Variants in FIP1L1 observed in about 807,000 individuals in gnomAD.
FIP1L1 encodes pre-mRNA 3'-end-processing factor FIP1.
FIP1L1 carries 21 observed loss-of-function variants against 84.6 expected under a neutral mutation model. That is an observed-to-expected ratio of 0.25 (90% confidence interval 0.18 to 0.36). The LOEUF (loss-of-function observed/expected upper bound fraction) is 0.36. Ranked by LOEUF, FIP1L1 falls within the 10% of genes least tolerant of loss-of-function variation. The pLI is 1.00. For missense variants in FIP1L1, 526 were observed against 751.1 expected, an observed-to-expected ratio of 0.70 and a Z score of 3.50; for synonymous variants, 263 against 242.3, an observed-to-expected ratio of 1.09 and a Z score of -0.80.
intron 12 of FIP1L1, among the ~76,000 whole-genome samples, chr4:53,426,548 C>T (rs527739021): frequency 1.3e-5 from 2 of 152,114 alleles, no homozygotes; most frequent in South Asian, 2.1e-4. Flanking sequence ...ATTAGGAATA[C>T]TCAACTTGTA....
At chr4:53,414,758 G>T in intron 11 of FIP1L1, 36 bp downstream of exon 11, 1 of 1,346,326 alleles carries the variant, frequency 7.4e-7, no homozygotes, top group African/African-American at 1.4e-5. Context: ...ACTCCCTGAT[G>T]TTTAGATCAT....
chr4:53,421,249 T>C (rs1762286981), intron 11 of FIP1L1, among the ~76,000 whole-genome samples: 1 of 152,256 alleles, frequency 6.6e-6, no homozygotes, highest in Non-Finnish European at 1.5e-5. Flanking sequence ...TCTTTTTCTT[T>C]ATGTGCTTCT....
chr4:53,381,400 G>T (rs1240552545), intron 3 of FIP1L1, among the ~76,000 whole-genome samples: 2 of 152,054 alleles, frequency 1.3e-5, no homozygotes, highest in African/African-American at 4.8e-5. Context: ...TCCAAGTTTT[G>T]ACTAAAGAAG....
chr4:53,408,526 A>G (rs370948739), intron 10 of FIP1L1, among the ~76,000 whole-genome samples: 5 of 152,138 alleles, frequency 3.3e-5, no homozygotes, highest in South Asian at 2.1e-4. Context: ...TATTTCCTCA[A>G]TTTGAATGTT....
intron 15 of FIP1L1, among the ~76,000 whole-genome samples, 174 bp from the exon 16 acceptor site, chr4:53,452,743 GTTT>G (rs1716849682): frequency 6.6e-6 from 1 of 152,186 alleles, no homozygotes; most frequent in Non-Finnish European, 1.5e-5. Flanking sequence ...TATATGTTAG[GTTT>G]TTAAGATTTG....
intron 11 of FIP1L1, among the ~76,000 whole-genome samples, chr4:53,418,637 A>G (rs1416536112): frequency 6.6e-6 from 1 of 152,076 alleles, no homozygotes; most frequent in Non-Finnish European, 1.5e-5. Flanking sequence ...TTTTGTTTCC[A>G]TTTTATGTTA....
chr4:53,460,717 CTA>C lies in FIP1L1; in HGVS notation c.*1269_*1270del. 1.9e-6 allele frequency: 1 copy of C among 537,900 alleles called. No homozygotes were observed. The highest frequency in any genetic ancestry group is 3.2e-6 in the Non-Finnish European group (1 of 315,328). The allele number at this position is 537,900 out of a possible 1,614,324, so 33.3% of individuals were successfully genotyped here. A position where few individuals can be genotyped will look rare whatever the true frequency, so the allele number is the denominator to read the frequency against. On this transcript the variant is annotated 3_prime_UTR_variant, in exon 18 of 18. Transcript: ENST00000337488. Reference sequence around the variant, plus strand: ...AGAAATCCTCCACACTGAAAAAAAACTAGTAGTTTTAATTTTTTTGGAATCAT... The same window carrying C: ...AGAAATCCTCCACACTGAAAAAAAACGTAGTTTTAATTTTTTTGGAATCAT...
chr4:53,408,418 GC>G (rs1480825154), intron 10 of FIP1L1, among the ~76,000 whole-genome samples: 2 of 152,112 alleles, frequency 1.3e-5, no homozygotes, highest in Non-Finnish European at 2.9e-5. Context: ...CTCTCTGGCT[GC>G]CCTGAACATT....
At chr4:53,417,226 C>T (rs1759878022) in intron 11 of FIP1L1, among the ~76,000 whole-genome samples, 1 of 152,156 alleles carries the variant, frequency 6.6e-6, no homozygotes, top group African/African-American at 2.4e-5. Flanking sequence ...CTACTTCTCT[C>T]TAAAAAAGAT....
At chr4:53,416,671 A>G (rs1159490479) in intron 11 of FIP1L1, among the ~76,000 whole-genome samples, 1 of 152,300 alleles carries the variant, frequency 6.6e-6, no homozygotes, top group Admixed American at 6.5e-5. Flanking sequence ...AGGCATAGAA[A>G]TACTTAAAAT....
At chr4:53,383,698 CT>C in intron 4 of FIP1L1, 74 bp from the exon 5 acceptor site, 8 of 1,369,594 alleles carry the variant, frequency 5.8e-6, no homozygotes, top group Admixed American at 2.8e-5. Context: ...AGGGTGGTTA[CT>C]TTTTTTAGTT....
chr4:53,402,138 T>A (rs1427005031), intron 10 of FIP1L1, among the ~76,000 whole-genome samples: 1 of 152,162 alleles, frequency 6.6e-6, no homozygotes, highest in Non-Finnish European at 1.5e-5. Flanking sequence ...CTAAATCCAA[T>A]TGATTGGTCA....
At position 53,452,928 on chromosome 4, in the gene FIP1L1, C is replaced by G; in HGVS notation, c.1294C>G (p.Pro432Ala). 1 of 1,612,008 alleles carries G rather than the reference C, an allele frequency of 6.2e-7. No individual in the cohort carries two copies. Among genetic ancestry groups the G allele is most frequent in the South Asian group, 1.1e-5 (1 of 90,968 alleles). ...TCGTGTTTTTTCTTTAGTTGCCTTTCCCCATCTTCCTGGTTCTGCTCCTTC... is the reference window on the plus strand; with the variant it reads ...TCGTGTTTTTTCTTTAGTTGCCTTTGCCCATCTTCCTGGTTCTGCTCCTTC... ...RAFPYGNVAF[P>A]HLPGSAPSWP... Residue 432 changes from proline to alanine, a missense_variant, in exon 16 of 18, where the codon CCC becomes GCC. Pro to Ala is a conservative substitution (Grantham distance 27). Coordinates refer to ENST00000337488, the MANE Select transcript of FIP1L1 (RefSeq NM_030917.4).
At chr4:53,386,489 C>T (rs1433150053) in intron 5 of FIP1L1, among the ~76,000 whole-genome samples, 1 of 152,116 alleles carries the variant, frequency 6.6e-6, no homozygotes, top group Non-Finnish European at 1.5e-5. Flanking sequence ...TTCAGTGCAA[C>T]ATAAGTGCTA....
At chr4:53,425,851 G>C (rs138347869) in intron 11 of FIP1L1, 21 bp from the exon 12 acceptor site, 7 of 1,546,942 alleles carry the variant, frequency 4.5e-6, no homozygotes, top group Non-Finnish European at 6.2e-6. Context: ...AAACTGAATT[G>C]ATTCAATTTT....
In FIP1L1 at chr4:53,377,775, G is replaced by A; in HGVS notation, c.-64G>A. Reference sequence around the variant, plus strand: ...CGCCCTTCTCGCGCCTCGGGGCTGCGAGGCTGGGGAAGGGGTTGGAGGGGG... The same window carrying A: ...CGCCCTTCTCGCGCCTCGGGGCTGCAAGGCTGGGGAAGGGGTTGGAGGGGG... On this transcript the variant is annotated 5_prime_UTR_variant, in exon 1 of 18. Coordinates refer to ENST00000337488, the MANE Select transcript of FIP1L1 (RefSeq NM_030917.4). 1 of 1,430,112 alleles carries A rather than the reference G, an allele frequency of 7.0e-7. No homozygotes were observed. The highest frequency in any genetic ancestry group is 1.4e-5 in the South Asian group (1 of 72,368). The allele number at this position is 1,430,112 out of a possible 1,614,324, so 88.6% of individuals were successfully genotyped here.
At chr4:53,400,989 T>A (rs1287864489) in intron 10 of FIP1L1, among the ~76,000 whole-genome samples, 1 of 152,300 alleles carries the variant, frequency 6.6e-6, no homozygotes, top group East Asian at 1.9e-4. Flanking sequence ...GACTCTGGAG[T>A]CAGATTTCTG....
At chr4:53,455,984 G>GA (rs796068265) in intron 16 of FIP1L1, among the ~76,000 whole-genome samples, 15 of 152,210 alleles carry the variant, frequency 9.9e-5, no homozygotes, top group African/African-American at 3.1e-4. Flanking sequence ...TGCTTGGTGG[G>GA]AAATGTGCTG....
intron 10 of FIP1L1, among the ~76,000 whole-genome samples, chr4:53,406,104 C>T (rs1397695027): frequency 6.6e-6 from 1 of 152,122 alleles, no homozygotes; most frequent in African/African-American, 2.4e-5. Flanking sequence ...AAAGGGAATG[C>T]TTCCAGTTTT....
Sources: gnomAD v4.1 joint callset for allele counts (sites outside exome capture counted in the v4.1 genomes callset) on GRCh38, gnomAD v4.1.1 for gene constraint, MANE v1.5 for transcripts, NCBI Gene and HGNC (gene_info 2026-07-23, HGNC 2026-07-21) for gene names.